The following FAM177A1 variants were observed in gnomAD, a reference collection of about 807,000 sequenced individuals.
FAM177A1 encodes protein FAM177A1.
A neutral mutation model predicts 26.1 loss-of-function variants in FAM177A1; 22 were observed. That is an observed-to-expected ratio of 0.84 (90% CI 0.60 to 1.20). The LOEUF is 1.20. Among genes scored for constraint, FAM177A1 ranks in the 50% most tolerant of loss-of-function variants. The pLI is 0.00. For missense variants in FAM177A1, 296 were observed against 291.1 expected, an observed-to-expected ratio of 1.02 and a Z score of -0.12; for synonymous variants, 95 against 99.3, an observed-to-expected ratio of 0.96 and a Z score of 0.26.
intron 2 of FAM177A1, among the ~76,000 whole-genome samples, chr14:35,076,616 A>G (rs966322838): frequency 3.3e-5 from 5 of 152,156 alleles, no homozygotes; most frequent in African/African-American, 9.7e-5. Flanking sequence ...AGACTTAAAG[A>G]AACAAACGAA....
chr14:35,081,217 G>T lies in FAM177A1; in HGVS notation c.700G>T (p.Val234Phe). ...IMESKQNPVSVPP is the reference protein window; with the variant it reads ...IMESKQNPVSFPP ...GGAAAGCAAGCAAAATCCAGTCTCT[G>T]TCCCACCATAAAATGAAATGACTAT... The change falls in exon 5 of 5, where the codon GTC becomes TTC. Residue 234 changes from valine to phenylalanine, a missense_variant. Coordinates refer to ENST00000280987, the MANE Select transcript of FAM177A1 (RefSeq NM_173607.5). The T allele has an allele frequency of 6.2e-7, 1 of 1,609,052 alleles. No homozygotes were observed. The highest frequency in any genetic ancestry group is 8.5e-7 in the Non-Finnish European group (1 of 1,178,728).
At chr14:35,051,412 CA>C (rs1454634796) in intron 1 of FAM177A1, among the ~76,000 whole-genome samples, 2 of 151,914 alleles carry the variant, frequency 1.3e-5, no homozygotes, top group African/African-American at 4.8e-5. Context: ...CCACAGCACC[CA>C]GCCTTATTTT....
chr14:35,055,497 A>G (rs2045047827), intron 2 of FAM177A1, among the ~76,000 whole-genome samples: 1 of 150,448 alleles, frequency 6.6e-6, no homozygotes, highest in African/African-American at 2.4e-5. Context: ...TCAGTGGCAC[A>G]ATCTTGGCTC....
rs200121612 is a variant in FAM177A1, at chr14:35,046,533, A to T, written c.70A>T (p.Met24Leu). 4.4e-6 allele frequency: 7 copies of T among 1,602,692 alleles called. No individual in the cohort carries two copies. The highest frequency in any genetic ancestry group is 4.0e-5 in the African/African-American group (3 of 74,526). ...CAGCAGCCCTGTGGTGGCGACGACG[A>T]TGGACCAGGAGCCAGTGGGCGGTGT... is the stretch of plus-strand genomic sequence containing the variant. ...SASSPVVATTMDQEPVGGVER... is the reference protein window; with the variant it reads ...SASSPVVATTLDQEPVGGVER... The change falls in exon 1 of 5, where the codon ATG becomes TTG. Residue 24 changes from methionine to leucine, a missense_variant. Physicochemically the swap from Met to Leu is conservative, Grantham distance 15. Transcript: ENST00000280987.
chr14:35,046,334 C>T lies in FAM177A1; in HGVS notation c.-130C>T, dbSNP rs1451850878. On this transcript the variant is annotated 5_prime_UTR_variant, in exon 1 of 5. Transcript: ENST00000280987. ...GCGGGCTAGGCGAGGCGCGGGCTGG[C>T]CCCGCCCCTCAGGCCGGCGAGTCCC... 5 of 1,142,514 alleles carry T rather than the reference C, an allele frequency of 4.4e-6. No individual in the cohort carries two copies. The East Asian group carries it at 9.7e-5, about 22-fold the overall frequency. The allele number at this position is 1,142,514 out of a possible 1,614,324, so 70.8% of individuals were successfully genotyped here. A position where few individuals can be genotyped will look rare whatever the true frequency, so the allele number is the denominator to read the frequency against.
intron 2 of FAM177A1, among the ~76,000 whole-genome samples, chr14:35,054,202 G>A (rs1222438376): frequency 6.6e-6 from 1 of 152,078 alleles, no homozygotes; most frequent in African/African-American, 2.4e-5. Context: ...GCAACAGAGT[G>A]AGACTCCATC....
chr14:35,081,403 T>C lies in FAM177A1; in HGVS notation c.*175T>C. On this transcript the variant is annotated 3_prime_UTR_variant, in exon 5 of 5. Coordinates refer to ENST00000280987, the MANE Select transcript of FAM177A1 (RefSeq NM_173607.5). Reference sequence around the variant, plus strand: ...GGATCTATCTAGCAAAAGCCAGATCTGAAATTCAGATATTTGTACTGTTTT... The same window carrying C: ...GGATCTATCTAGCAAAAGCCAGATCCGAAATTCAGATATTTGTACTGTTTT... 1 of 602,684 alleles carries C rather than the reference T, an allele frequency of 1.7e-6. No individual in the cohort carries two copies. The allele number at this position is 602,684 out of a possible 1,614,324, so 37.3% of individuals were successfully genotyped here.
Position 35,064,963 on chromosome 14 carries a change from C to T in FAM177A1, c.339+11512C>T, listed in dbSNP as rs542244656. On this transcript the variant is annotated intron_variant, in intron 2 of 4. Coordinates refer to ENST00000280987, the MANE Select transcript of FAM177A1 (RefSeq NM_173607.5). ...AGATTACAGGCGTGAGCCACCGAGC[C>T]GGGCCTATTTCTCTGATATTTTTTA... is the stretch of plus-strand genomic sequence containing the variant. Among the ~76,000 whole-genome samples, 590 of 152,174 alleles carry T rather than the reference C, an allele frequency of 3.9e-3. 6 individuals carry two copies. Among genetic ancestry groups the T allele is most frequent in the African/African-American group, 0.014 (571 of 41,512 alleles).
chr14:35,078,484 T>G (rs2045430317), intron 3 of FAM177A1, among the ~76,000 whole-genome samples: 1 of 152,186 alleles, frequency 6.6e-6, no homozygotes, highest in Non-Finnish European at 1.5e-5. Flanking sequence ...CCTGAGTAGC[T>G]GGGATTACAG....
Position 35,079,099 on chromosome 14 carries a change from G to A in FAM177A1, c.504+75G>A, listed in dbSNP as rs566651693. 1.4e-4 allele frequency: 160 copies of A among 1,106,522 alleles called. 1 individual carries two copies. The South Asian group carries it at 2.3e-3, about 16-fold the overall frequency. The allele number at this position is 1,106,522 out of a possible 1,614,324, so 68.5% of individuals were successfully genotyped here. On this transcript the variant is annotated intron_variant, in intron 4 of 4. Coordinates refer to ENST00000280987, the MANE Select transcript of FAM177A1 (RefSeq NM_173607.5). ...TTGATGGGTTGCATAATGAGCCTAT[G>A]TATTTTCTAACTGCCCAACATGTAG... is the stretch of plus-strand genomic sequence containing the variant.
Position 35,051,194 on chromosome 14 carries a change from A to G in FAM177A1, c.166-2084A>G, listed in dbSNP as rs143391007. On this transcript the variant is annotated intron_variant, in intron 1 of 4. Transcript: ENST00000280987. ...GAGTGCAGTGGCACGATCTCAGCTC[A>G]CTGCAACCGCCACCTCCCGGGTTTA... is the stretch of plus-strand genomic sequence containing the variant. 2.2e-3 allele frequency among the ~76,000 whole-genome samples: 342 copies of G among 152,292 alleles called. 1 individual carries two copies. Among genetic ancestry groups the G allele is most frequent in the Non-Finnish European group, 3.7e-3 (249 of 68,026 alleles).
chr14:35,059,252 G>T (rs1312979505), intron 2 of FAM177A1, among the ~76,000 whole-genome samples: 3 of 151,822 alleles, frequency 2.0e-5, no homozygotes, highest in African/African-American at 7.3e-5. Context: ...AGTTTGTTTT[G>T]TATATCTTCT....
intron 2 of FAM177A1, among the ~76,000 whole-genome samples, chr14:35,060,029 A>G (rs2045126981): frequency 6.6e-6 from 1 of 151,092 alleles, no homozygotes; most frequent in Admixed American, 6.6e-5. Context: ...GCGGGAGTGC[A>G]GTGGCGTGAT....
chr14:35,071,676 TTTGA>T (rs2045324061), intron 2 of FAM177A1, among the ~76,000 whole-genome samples: 1 of 152,208 alleles, frequency 6.6e-6, no homozygotes, highest in Non-Finnish European at 1.5e-5. Flanking sequence ...CTGGAGCAGA[TTTGA>T]TTCTTTGGTA....
chr14:35,077,102 T>TA (rs1233551533), intron 2 of FAM177A1, 48 bp from the exon 3 acceptor site: 2 of 1,451,220 alleles, frequency 1.4e-6, no homozygotes, highest in Non-Finnish European at 1.9e-6. Flanking sequence ...CCTAAATATA[T>TA]GGAATGAATT....
chr14:35,078,051 TC>T (rs1383720501), intron 3 of FAM177A1, among the ~76,000 whole-genome samples: 1 of 152,218 alleles, frequency 6.6e-6, no homozygotes, highest in Non-Finnish European at 1.5e-5. Context: ...CATTTTTAAC[TC>T]CCTCATAGCT....
At chr14:35,080,913 T>TTG in intron 4 of FAM177A1, 109 bp from the exon 5 acceptor site, 4 of 154,840 alleles carry the variant, frequency 2.6e-5, no homozygotes, top group Non-Finnish European at 4.9e-5. Context: ...AACATGACAC[T>TTG]TTTTTTTTTT....
chr14:35,064,869 G>A (rs2045217191), intron 2 of FAM177A1, among the ~76,000 whole-genome samples: 2 of 151,948 alleles, frequency 1.3e-5, no homozygotes, highest in Admixed American at 1.3e-4. Context: ...AGCCAGGATG[G>A]TCTCGATCTG....
chr14:35,061,956 T>C (rs2045165685), intron 2 of FAM177A1, among the ~76,000 whole-genome samples: 1 of 152,014 alleles, frequency 6.6e-6, no homozygotes, highest in African/African-American at 2.4e-5. Flanking sequence ...CAACCACACT[T>C]ACCTGGAAAT....
Sources: gnomAD v4.1 joint callset for allele counts (sites outside exome capture counted in the v4.1 genomes callset) on GRCh38, gnomAD v4.1.1 for gene constraint, MANE v1.5 for transcripts, NCBI Gene and HGNC (gene_info 2026-07-23, HGNC 2026-07-21) for gene names.